Variants in RNF14 observed in about 807,000 individuals in gnomAD.
The protein encoded by RNF14 is E3 ubiquitin-protein ligase RNF14.
A neutral mutation model predicts 52.6 loss-of-function variants in RNF14; 26 were observed. The ratio of observed to expected loss-of-function variants is 0.49; its 90% CI spans 0.36 to 0.69. The LOEUF is 0.69. Ranked by LOEUF, RNF14 falls within the 30% of genes least tolerant of loss-of-function variation. The pLI, the probability that RNF14 is intolerant of heterozygous loss-of-function variation, is 0.00. For missense variants in RNF14, 404 were observed against 560.4 expected, an observed-to-expected ratio of 0.72 and a Z score of 2.82; for synonymous variants, 194 against 202.0, an observed-to-expected ratio of 0.96 and a Z score of 0.34.
chr5:141,964,394 T>C (rs1464492158), upstream of RNF14, among the ~76,000 whole-genome samples: 1 of 152,220 alleles, frequency 6.6e-6, no homozygotes, highest in Non-Finnish European at 1.5e-5. Context: ...TGTGTGACGA[T>C]GGCAAGTCAA....
chr5:141,973,877 T>G, intron 3 of RNF14, 135 bp downstream of exon 3: 1 of 742,886 alleles, frequency 1.3e-6, no homozygotes, highest in Non-Finnish European at 2.1e-6. Context: ...GTTTCTGTTT[T>G]AAATGAAAAT....
upstream of RNF14, among the ~76,000 whole-genome samples, chr5:141,965,404 G>A (rs889993299): frequency 1.9e-4 from 29 of 152,198 alleles, no homozygotes; most frequent in Admixed American, 1.5e-3. Context: ...CCTAGGCTCC[G>A]TCATCATCCG....
upstream of RNF14, among the ~76,000 whole-genome samples, chr5:141,962,138 G>A (rs888232952): frequency 4.6e-5 from 7 of 152,254 alleles, no homozygotes; most frequent in African/African-American, 1.7e-4. Context: ...TCAGGTAGAT[G>A]TTCTGGGTTA....
At chr5:141,979,326 G>A (rs537190129) in intron 5 of RNF14, among the ~76,000 whole-genome samples, 1 of 152,134 alleles carries the variant, frequency 6.6e-6, no homozygotes, top group East Asian at 1.9e-4. Flanking sequence ...CTCAGCTCAC[G>A]GCAACCTCTG....
At chr5:141,977,809 TGAAA>T (rs1754397312) in intron 4 of RNF14, among the ~76,000 whole-genome samples, 5 of 152,254 alleles carry the variant, frequency 3.3e-5, no homozygotes, top group Admixed American at 1.3e-4. Context: ...TTGATAAAAC[TGAAA>T]GAATTAATTT....
chr5:141,974,631 A>AT (rs924848690), intron 3 of RNF14, among the ~76,000 whole-genome samples, 173 bp from the exon 4 acceptor site: 19 of 152,006 alleles, frequency 1.2e-4, no homozygotes, highest in Non-Finnish European at 2.2e-4. Context: ...GGCTTACAAG[A>AT]TTTTTTTTTA....
chr5:141,955,311 G>A (rs758205450), upstream of RNF14: 1 of 1,614,212 alleles, frequency 6.2e-7, no homozygotes, highest in Admixed American at 1.7e-5. This position sits in a 1 kb window ranked among gnomAD's most constrained non-coding sequence, Gnocchi z 5.5. Context: ...TGAAAAGGAG[G>A]TTGACCGTGT....
upstream of RNF14, chr5:141,957,008 A>G (rs1753195940): frequency 1.9e-6 from 3 of 1,614,180 alleles, no homozygotes; most frequent in Middle Eastern, 1.6e-4. The surrounding 1 kb of genome is among the most constrained non-coding windows in gnomAD (Gnocchi z 4.3). Flanking sequence ...TTACTGAGGA[A>G]GAACTCCACC....
chr5:141,955,235 C>A (rs778658899), upstream of RNF14: 15 of 1,614,236 alleles, frequency 9.3e-6, no homozygotes, highest in Admixed American at 2.2e-4. This position sits in a 1 kb window ranked among gnomAD's most constrained non-coding sequence, Gnocchi z 5.5. Flanking sequence ...CGTGGCTGGC[C>A]TGTGGCAGGC....
chr5:141,971,061 TA>T (rs1387832851), intron 2 of RNF14, among the ~76,000 whole-genome samples, 184 bp downstream of exon 2: 1 of 152,240 alleles, frequency 6.6e-6, no homozygotes, highest in African/African-American at 2.4e-5. Flanking sequence ...ACATTTTAAT[TA>T]AAAATATTTT....
At chr5:141,962,559 CGGGAG>C (rs1400674236), upstream of RNF14, among the ~76,000 whole-genome samples, 1 of 152,004 alleles carries the variant, frequency 6.6e-6, no homozygotes, top group Non-Finnish European at 1.5e-5. Context: ...AATAAATAGA[CGGGAG>C]GAGGGAGATT....
At chr5:141,956,676 C>G (rs774250198), upstream of RNF14, 2 of 1,614,230 alleles carry the variant, frequency 1.2e-6, no homozygotes, top group Non-Finnish European at 1.7e-6. Flanking sequence ...CTTGGCTCAG[C>G]CAGCAGTGGA....
At chr5:141,969,576 G>A (rs1319819706) in intron 1 of RNF14, 1 of 152,308 alleles carries the variant, frequency 6.6e-6, no homozygotes, top group African/African-American at 2.4e-5. Flanking sequence ...AGACCAAATG[G>A]ATAGAGTGAG....
In RNF14 at chr5:141,983,450, G is replaced by A. The variant is rs371380661; in HGVS notation, c.1134G>A (p.Arg378=). ...DEANKRLLDQ[R]YGKRVIQKAL... is the part of the protein sequence containing the mutation. ...CTAATAAAAGACTTTTGGATCAAAG[G>A]TATGGTAAGAGAGTGATTCAGAAGG... The change falls in exon 7 of 9, where the codon AGG becomes AGA. Residue 378 remains arginine (R), a synonymous_variant. Transcript: ENST00000394520. 43 of 1,613,832 alleles carry A rather than the reference G, an allele frequency of 2.7e-5. No homozygotes were observed. Among genetic ancestry groups the A allele is most frequent in the African/African-American group, 2.3e-4 (17 of 75,030 alleles).
chr5:141,974,132 CAT>C (rs1596676289), intron 3 of RNF14, among the ~76,000 whole-genome samples: 1 of 152,212 alleles, frequency 6.6e-6, no homozygotes, highest in African/African-American at 2.4e-5. Context: ...CTACTATAAA[CAT>C]ATGACACATG....
At chr5:141,969,633 T>G (rs1442307284) in intron 1 of RNF14, 1 of 152,266 alleles carries the variant, frequency 6.6e-6, no homozygotes, top group Non-Finnish European at 1.5e-5. Context: ...GGATTCCAAG[T>G]GACAGCTTCA....
intron 3 of RNF14, 38 bp downstream of exon 3, chr5:141,973,780 T>C (rs774739267): frequency 1.3e-5 from 20 of 1,522,734 alleles, no homozygotes; most frequent in Middle Eastern, 4.5e-4. Context: ...TTTCTATTAT[T>C]CTTTATTTCT....
At chr5:141,956,362 T>C, upstream of RNF14, 2 of 1,614,176 alleles carry the variant, frequency 1.2e-6, no homozygotes, top group Non-Finnish European at 1.7e-6. Context: ...CTGGATGCGG[T>C]ATGAGACTTT....
At chr5:141,971,771 C>G (rs1430346968) in intron 2 of RNF14, among the ~76,000 whole-genome samples, 1 of 151,580 alleles carries the variant, frequency 6.6e-6, no homozygotes, top group Non-Finnish European at 1.5e-5. Context: ...GCCTCAGCCA[C>G]CGAGTAGCTG....
Sources: gnomAD v4.1 joint callset for allele counts (sites outside exome capture counted in the v4.1 genomes callset) on GRCh38, gnomAD v4.1.1 for gene constraint, Gnocchi (gnomAD v3.1) non-coding constraint, MANE v1.5 for transcripts, NCBI Gene and HGNC (gene_info 2026-07-23, HGNC 2026-07-21) for gene names.